UBR1: variants seen among roughly 807,000 people sequenced by gnomAD.
The protein encoded by UBR1 is ubiquitin protein ligase E3 component n-recognin 1, also known as E3 ubiquitin-protein ligase UBR1.
UBR1 carries 102 observed loss-of-function variants against 242.1 expected under a neutral mutation model. That is an observed-to-expected ratio of 0.42 (90% CI 0.36 to 0.50). The LOEUF (loss-of-function observed/expected upper bound fraction) is 0.50. UBR1 is among the 20% of genes least tolerant of loss of function. UBR1 has a pLI of 0.01. For synonymous variants in UBR1, 675 were observed against 684.8 expected, an observed-to-expected ratio of 0.99 and a Z score of 0.22; for missense variants, 1,772 against 2,101.8, an observed-to-expected ratio of 0.84 and a Z score of 3.07.
At chr15:42,976,622 C>G in intron 39 of UBR1, 95 bp downstream of exon 39, 1 of 1,457,618 alleles carries the variant, frequency 6.9e-7, no homozygotes, top group Non-Finnish European at 9.6e-7. Context: ...AACACAGAAC[C>G]TAGAAATACA....
In UBR1 at chr15:43,105,946, G is replaced by A. The variant is rs1285572810; in HGVS notation, c.77C>T (p.Ala26Val). 2 of 1,613,846 alleles carry A rather than the reference G, an allele frequency of 1.2e-6. No individual in the cohort carries two copies. The highest frequency in any genetic ancestry group is 4.5e-5 in the East Asian group (2 of 44,876). Residue 26 changes from alanine (A) to valine (V), a missense_variant, in exon 1 of 47, where the codon GCA becomes GTA. Around this residue, in one of 3 missense-constraint regions of UBR1, gnomAD observed 734 missense variants for 893.3 expected, o/e 0.82. Transcript: ENST00000290650. ...GACTTGCCTATAGGGACTTACAGATGCCAGACGCTGAGGGGTCTGGGGTAA... is the reference window on the plus strand; with the variant it reads ...GACTTGCCTATAGGGACTTACAGATACCAGACGCTGAGGGGTCTGGGGTAA... ...AELPQTPQRL[A>V]SWWDQQVDFY...
At chr15:43,031,234 G>C (rs1196204639) in intron 20 of UBR1, among the ~76,000 whole-genome samples, 1 of 151,400 alleles carries the variant, frequency 6.6e-6, no homozygotes, top group Non-Finnish European at 1.5e-5. Context: ...AGCAGAGCAA[G>C]TATTAACTAA....
intron 37 of UBR1, among the ~76,000 whole-genome samples, chr15:42,981,285 C>T (rs144686200): frequency 8.9e-4 from 135 of 152,266 alleles, no homozygotes; most frequent in African/African-American, 3.1e-3. Flanking sequence ...GATGCCACTA[C>T]TCCTATCAAA....
intron 33 of UBR1, among the ~76,000 whole-genome samples, chr15:42,992,236 C>T (rs571124064): frequency 5.9e-5 from 9 of 152,232 alleles, no homozygotes; most frequent in East Asian, 5.8e-4. Flanking sequence ...TAAAACTCTT[C>T]GATAAGTTTA....
Position 43,038,240 on chromosome 15 carries a change from T to TA in UBR1, c.1850-9dup, listed in dbSNP as rs2033363039. On this transcript the variant is annotated splice_polypyrimidine_tract_variant and intron_variant, in intron 15 of 46. Coordinates refer to ENST00000290650, the MANE Select transcript of UBR1 (RefSeq NM_174916.3). Reference sequence around the variant, plus strand: ...TTAAACGTACATGAAGACCTAAAGTTAAAAAAACGAGAGAGAAAATGAGAA... The same window carrying TA: ...TTAAACGTACATGAAGACCTAAAGTTAAAAAAAACGAGAGAGAAAATGAGAA... The TA allele has an allele frequency of 8.1e-6, 13 of 1,613,738 alleles. No individual in the cohort carries two copies. The highest frequency in any genetic ancestry group is 1.0e-5 in the Non-Finnish European group (12 of 1,179,822).
intron 33 of UBR1, among the ~76,000 whole-genome samples, chr15:42,991,094 G>A (rs933719880): frequency 4.0e-5 from 6 of 151,810 alleles, no homozygotes; most frequent in Admixed American, 6.6e-5. Flanking sequence ...GGCCAACATG[G>A]TGAAACCTCA....
chr15:43,023,247 T>C (rs1462768094), intron 25 of UBR1, among the ~76,000 whole-genome samples: 1 of 152,032 alleles, frequency 6.6e-6, no homozygotes. Context: ...GTTTCAGCAG[T>C]TCACATTAAG....
rs548170458 is a variant in UBR1 at position 42,945,584 on chromosome 15, C to T, written c.5109-114G>A. ...TGTTCCTGGAGCCGGGAGGACTCAC[C>T]AGCACAGGGCTTAAAAAGGGATATT... On this transcript the variant is annotated intron_variant, in intron 46 of 46. Transcript: ENST00000290650. 2.0e-4 allele frequency: 258 copies of T among 1,278,274 alleles called. No homozygotes were observed. In the Middle Eastern group the frequency reaches 2.2e-3, roughly 11 times the overall value. 79.2% of individuals were successfully genotyped at this position (1,278,274 alleles called of 1,614,324 possible).
intron 29 of UBR1, among the ~76,000 whole-genome samples, chr15:43,015,001 G>A (rs1469526747): frequency 2.7e-5 from 4 of 149,408 alleles, no homozygotes; most frequent in African/African-American, 9.9e-5. Flanking sequence ...CCGGCCAGAC[G>A]CCCCGACTGG....
At chr15:42,962,781 C>G (rs1486180105) in intron 42 of UBR1, among the ~76,000 whole-genome samples, 1 of 152,152 alleles carries the variant, frequency 6.6e-6, no homozygotes, top group Non-Finnish European at 1.5e-5. Flanking sequence ...TGAGCCACCA[C>G]GCCTGGCCAA....
Position 42,976,814 on chromosome 15 carries a change from C to T in UBR1, c.4272G>A (p.Leu1424=). 1 of 1,614,040 alleles carries T rather than the reference C, an allele frequency of 6.2e-7. No individual in the cohort carries two copies. Among genetic ancestry groups the T allele is most frequent in the Non-Finnish European group, 8.5e-7 (1 of 1,179,984 alleles). Residue 1424 remains leucine (L), a synonymous_variant, in exon 39 of 47, where the codon CTG becomes CTA. Coordinates refer to ENST00000290650, the MANE Select transcript of UBR1 (RefSeq NM_174916.3). ...PSLYWDDPVD[L]QPSSVSSSYN... ...AGGAAGAACTAACTGAAGAAGGCTG[C>T]AGATCAACAGGGTCATCCCAATACA...
rs554172966 is a variant in UBR1, at chr15:43,069,737, T to C, written c.659+1058A>G. Among the ~76,000 whole-genome samples, 24 of 152,250 alleles carry C rather than the reference T, an allele frequency of 1.6e-4. No homozygotes were observed. In the South Asian group the frequency reaches 4.4e-3, roughly 28 times the overall value. On this transcript the variant is annotated intron_variant, in intron 5 of 46. Coordinates refer to ENST00000290650, the MANE Select transcript of UBR1 (RefSeq NM_174916.3). ...TCATGGTCACAATGCCAACAGGCAA[T>C]GAGAGGGCCTAGAACTCAGATGTGT...
In UBR1 at chr15:43,099,406, T is replaced by C. The variant is rs146587876; in HGVS notation, c.81+6536A>G. 4.1e-4 allele frequency among the ~76,000 whole-genome samples: 63 copies of C among 152,250 alleles called. 1 individual carries two copies. The South Asian group carries it at 5.4e-3, about 13-fold the overall frequency. On this transcript the variant is annotated intron_variant, in intron 1 of 46. Transcript: ENST00000290650. Reference sequence around the variant, plus strand: ...TTTGATTTCCATAATGATTATTGCGTAACCATAACAATATTAAACTTTTAA... The same window carrying C: ...TTTGATTTCCATAATGATTATTGCGCAACCATAACAATATTAAACTTTTAA...
chr15:43,094,426 C>T (rs2034136662), intron 1 of UBR1, among the ~76,000 whole-genome samples: 1 of 151,432 alleles, frequency 6.6e-6, no homozygotes, highest in Non-Finnish European at 1.5e-5. Flanking sequence ...GAAACTCCAT[C>T]TCAAAAAAAA....
At chr15:42,945,594 C>T (rs1305015082) in intron 46 of UBR1, 124 bp from the exon 47 acceptor site, 1 of 1,185,160 alleles carries the variant, frequency 8.4e-7, no homozygotes, top group East Asian at 2.5e-5. Context: ...CAGCACAGGG[C>T]TTAAAAAGGG....
intron 1 of UBR1, 32 bp downstream of exon 1, chr15:43,105,910 A>T (rs68062403): frequency 4.1e-5 from 63 of 1,521,342 alleles, no homozygotes; most frequent in Non-Finnish European, 5.4e-5. Context: ...GACCGGGGGG[A>T]GGACAAAAGA....
intron 25 of UBR1, among the ~76,000 whole-genome samples, chr15:43,023,428 C>A (rs1212726820): frequency 6.6e-6 from 1 of 151,430 alleles, no homozygotes; most frequent in East Asian, 1.9e-4. Flanking sequence ...CTTGTCTCTA[C>A]TAAAAATACA....
chr15:42,990,142 G>C, intron 33 of UBR1, 22 bp from the exon 34 acceptor site: 20 of 1,513,748 alleles, frequency 1.3e-5, no homozygotes, highest in Non-Finnish European at 1.7e-5. Flanking sequence ...AAAGGAAAAA[G>C]AAAGAAAAAT....
intron 20 of UBR1, among the ~76,000 whole-genome samples, chr15:43,031,345 T>C (rs1279702447): frequency 6.6e-6 from 1 of 151,788 alleles, no homozygotes; most frequent in African/African-American, 2.4e-5. Context: ...AACAGCAAAA[T>C]TATACTACAA....
Sources: gnomAD v4.1 joint callset for allele counts (sites outside exome capture counted in the v4.1 genomes callset) on GRCh38, gnomAD v4.1.1 for gene constraint, gnomAD v4.1.1 regional missense constraint, MANE v1.5 for transcripts, NCBI Gene and HGNC (gene_info 2026-07-23, HGNC 2026-07-21) for gene names.